SLC27A2: variants seen among roughly 807,000 people sequenced by gnomAD.
SLC27A2 encodes the protein long-chain fatty acid transport protein 2.
Under a neutral mutation model 60.0 loss-of-function variants are expected in SLC27A2, and 54 were observed. The observed-to-expected ratio is 0.90, with a 90% CI of 0.72 to 1.13. The LOEUF (loss-of-function observed/expected upper bound fraction) is 1.13. SLC27A2 is among the 50% of genes most tolerant of loss of function. SLC27A2 has a pLI of 0.00. For missense variants in SLC27A2, 739 were observed against 777.6 expected, an observed-to-expected ratio of 0.95 and a Z score of 0.59; for synonymous variants, 297 against 297.6, an observed-to-expected ratio of 1.00 and a Z score of 0.02.
At chr15:50,224,794 T>C (rs578085231) in intron 5 of SLC27A2, among the ~76,000 whole-genome samples, 3 of 152,346 alleles carry the variant, frequency 2.0e-5, no homozygotes, top group South Asian at 2.1e-4. Flanking sequence ...GGTTAGTAAC[T>C]ACCGTATTGA....
chr15:50,230,383 A>C (rs902944574), intron 8 of SLC27A2, among the ~76,000 whole-genome samples: 11 of 152,204 alleles, frequency 7.2e-5, no homozygotes, highest in Non-Finnish European at 1.6e-4. Context: ...TCTCTACTAA[A>C]AATACAAACA....
chr15:50,226,971 C>T lies in SLC27A2; in HGVS notation c.1259-9C>T. 6.2e-7 allele frequency: 1 copy of T among 1,607,486 alleles called. No individual in the cohort carries two copies. The highest frequency in any genetic ancestry group is 8.5e-7 in the Non-Finnish European group (1 of 1,177,500). On this transcript the variant is annotated splice_polypyrimidine_tract_variant and intron_variant, in intron 6 of 9. Coordinates refer to ENST00000267842, the MANE Select transcript of SLC27A2 (RefSeq NM_003645.4). Reference sequence around the variant, plus strand: ...GCACATAAAATAAGTTTACTTTCTTCTGTCTTAGGTGAAGTTGGACTTCTG... The same window carrying T: ...GCACATAAAATAAGTTTACTTTCTTTTGTCTTAGGTGAAGTTGGACTTCTG...
chr15:50,212,397 A>G (rs990322644), intron 4 of SLC27A2, among the ~76,000 whole-genome samples: 5 of 152,256 alleles, frequency 3.3e-5, no homozygotes, highest in African/African-American at 1.2e-4. Flanking sequence ...GAAAACTTCC[A>G]AGCCTTGCTA....
At chr15:50,211,423 A>G (rs985739672) in intron 4 of SLC27A2, among the ~76,000 whole-genome samples, 3 of 152,184 alleles carry the variant, frequency 2.0e-5, no homozygotes, top group Admixed American at 1.3e-4. Context: ...CATCCATAGG[A>G]AAAGGGGGAG....
intron 1 of SLC27A2, among the ~76,000 whole-genome samples, chr15:50,190,037 C>T (rs551007000): frequency 6.6e-6 from 1 of 152,236 alleles, no homozygotes; most frequent in South Asian, 2.1e-4. Flanking sequence ...CCTGGTGGAA[C>T]TTAAACATTT....
chr15:50,204,556 AC>A (rs1040172311), intron 3 of SLC27A2, among the ~76,000 whole-genome samples: 2 of 151,562 alleles, frequency 1.3e-5, no homozygotes, highest in African/African-American at 4.9e-5. Context: ...ACACAGTGAA[AC>A]CCCTTCTCTA....
intron 6 of SLC27A2, 110 bp downstream of exon 6, chr15:50,226,188 A>T (rs772867845): frequency 1.0e-4 from 70 of 686,158 alleles, no homozygotes; most frequent in Non-Finnish European, 1.5e-4. Flanking sequence ...GAGTGGGGAA[A>T]AGGGGGGTTT....
intron 4 of SLC27A2, among the ~76,000 whole-genome samples, chr15:50,205,851 G>A (rs1042385954): frequency 2.6e-5 from 4 of 152,022 alleles, no homozygotes; most frequent in Non-Finnish European, 5.9e-5. Context: ...TTGTCTCCTT[G>A]TTTTCTGTTA....
At chr15:50,204,354 C>G (rs1567430927) in intron 3 of SLC27A2, among the ~76,000 whole-genome samples, 1 of 152,074 alleles carries the variant, frequency 6.6e-6, no homozygotes, top group Non-Finnish European at 1.5e-5. Flanking sequence ...GTAATCCCAG[C>G]TACTTAGAGG....
chr15:50,225,667 A>G (rs1241278598), intron 5 of SLC27A2, among the ~76,000 whole-genome samples: 1 of 152,236 alleles, frequency 6.6e-6, no homozygotes, highest in African/African-American at 2.4e-5. Context: ...AAACACCAAC[A>G]TGGATGGATG....
intron 4 of SLC27A2, among the ~76,000 whole-genome samples, chr15:50,222,689 T>A (rs1204404681): frequency 6.6e-6 from 1 of 152,204 alleles, no homozygotes; most frequent in East Asian, 1.9e-4. Context: ...CTCATCTGGC[T>A]CCTTAGAAAC....
At chr15:50,210,841 G>A (rs957388348) in intron 4 of SLC27A2, among the ~76,000 whole-genome samples, 1 of 152,152 alleles carries the variant, frequency 6.6e-6, no homozygotes, top group Non-Finnish European at 1.5e-5. Context: ...CTGGAAGCTG[G>A]GTGAGGCCTG....
chr15:50,204,458 GTA>G (rs2045092211), intron 3 of SLC27A2, among the ~76,000 whole-genome samples: 1 of 151,566 alleles, frequency 6.6e-6, no homozygotes, highest in Non-Finnish European at 1.5e-5. Flanking sequence ...CCCGGGCCAG[GTA>G]CGGTGGCTCA....
At chr15:50,202,407 C>A in intron 2 of SLC27A2, 80 bp from the exon 3 acceptor site, 1 of 1,436,570 alleles carries the variant, frequency 7.0e-7, no homozygotes, top group Admixed American at 1.8e-5. Flanking sequence ...GGTGATGAAT[C>A]TTCCTAAGCC....
intron 4 of SLC27A2, among the ~76,000 whole-genome samples, chr15:50,206,276 T>C (rs1343449478): frequency 6.6e-6 from 1 of 152,170 alleles, no homozygotes; most frequent in Non-Finnish European, 1.5e-5. Flanking sequence ...AAATGTCTCT[T>C]GGCAGGGAAA....
At chr15:50,190,947 G>A (rs974290646) in intron 1 of SLC27A2, 5 of 152,162 alleles carry the variant, frequency 3.3e-5, no homozygotes, top group African/African-American at 1.2e-4. Flanking sequence ...CCACATGATT[G>A]AACAAGCACT....
chr15:50,224,627 C>T (rs1327886325), intron 5 of SLC27A2, among the ~76,000 whole-genome samples: 2 of 152,080 alleles, frequency 1.3e-5, no homozygotes, highest in African/African-American at 4.8e-5. Context: ...GCTCCACCTA[C>T]GCTACACAAG....
chr15:50,225,307 T>C (rs1198377091), intron 5 of SLC27A2, among the ~76,000 whole-genome samples: 1 of 152,228 alleles, frequency 6.6e-6, no homozygotes, highest in African/African-American at 2.4e-5. Context: ...ATTATTGCTC[T>C]TACTGAATTG....
chr15:50,212,973 T>A (rs2045169277), intron 4 of SLC27A2, among the ~76,000 whole-genome samples: 1 of 152,212 alleles, frequency 6.6e-6, no homozygotes, highest in Non-Finnish European at 1.5e-5. Flanking sequence ...TAACATTGAA[T>A]GTAAATGGCC....
Sources: allele counts gnomAD v4.1 joint callset (sites outside exome capture counted in the v4.1 genomes callset), GRCh38; gene constraint gnomAD v4.1.1; transcripts MANE v1.5; gene names NCBI Gene and HGNC (gene_info 2026-07-23, HGNC 2026-07-21).